The following TMIGD3 variants were observed in gnomAD, a reference collection of about 807,000 sequenced individuals.
TMIGD3 encodes transmembrane and immunoglobulin domain containing 3, also known as AD026 protein (AD026).
Under a neutral mutation model 28.1 loss-of-function variants are expected in TMIGD3, and 21 were observed. The observed-to-expected ratio is 0.75, with a 90% CI of 0.53 to 1.08. TMIGD3 has a LOEUF of 1.08. TMIGD3 is among the 50% of genes least tolerant of loss of function. TMIGD3 has a pLI of 0.00. For missense variants in TMIGD3, 416 were observed against 435.6 expected, an observed-to-expected ratio of 0.96 and a Z score of 0.40; for synonymous variants, 151 against 162.1, an observed-to-expected ratio of 0.93 and a Z score of 0.52.
At chr1:111,488,003 C>T (rs1299541535) in intron 3 of TMIGD3, among the ~76,000 whole-genome samples, 1 of 152,076 alleles carries the variant, frequency 6.6e-6, no homozygotes. Context: ...TGGGCTTTCT[C>T]CATGTTGCCC....
chr1:111,517,780 C>A (rs17602889), intron 1 of TMIGD3, among the ~76,000 whole-genome samples: 2,510 of 152,304 alleles, frequency 0.016, 29 homozygotes, highest in South Asian at 0.034. Context: ...TGGGTTGATG[C>A]ACTTTTCTAC....
At chr1:111,558,794 C>T (rs1657617671) in intron 1 of TMIGD3, among the ~76,000 whole-genome samples, 1 of 151,940 alleles carries the variant, frequency 6.6e-6, no homozygotes, top group African/African-American at 2.4e-5. Context: ...ACAAATACAC[C>T]ACCATTGTGA....
intron 3 of TMIGD3, among the ~76,000 whole-genome samples, chr1:111,487,240 G>A (rs893712709): frequency 2.6e-5 from 4 of 152,168 alleles, no homozygotes; most frequent in African/African-American, 9.7e-5. Flanking sequence ...TAAGATTCAG[G>A]TCAAGTTGCA....
At chr1:111,484,732 G>C (rs1654278516) in intron 5 of TMIGD3, among the ~76,000 whole-genome samples, 1 of 152,222 alleles carries the variant, frequency 6.6e-6, no homozygotes, top group Non-Finnish European at 1.5e-5. Context: ...GTTACTAGGA[G>C]TGTTTTTCTG....
chr1:111,509,115 G>A (rs1370269689), intron 1 of TMIGD3, among the ~76,000 whole-genome samples: 1 of 152,146 alleles, frequency 6.6e-6, no homozygotes, highest in East Asian at 1.9e-4. Flanking sequence ...ACAAACAAAA[G>A]CAGCACCAGG....
chr1:111,492,031 C>T (rs974449868), intron 1 of TMIGD3, among the ~76,000 whole-genome samples: 4 of 152,164 alleles, frequency 2.6e-5, no homozygotes, highest in Non-Finnish European at 5.9e-5. Context: ...TCATAAAAGG[C>T]GTGCAACTTC....
chr1:111,519,845 A>G (rs923210091), intron 1 of TMIGD3, among the ~76,000 whole-genome samples: 5 of 151,946 alleles, frequency 3.3e-5, no homozygotes, highest in African/African-American at 1.2e-4. Flanking sequence ...GGCACCTGCC[A>G]CCACACCCAG....
intron 1 of TMIGD3, among the ~76,000 whole-genome samples, chr1:111,526,910 T>C (rs1656283885): frequency 6.6e-6 from 1 of 152,166 alleles, no homozygotes; most frequent in South Asian, 2.1e-4. Context: ...TAGCTTTGCC[T>C]TTTTCAGAAT....
At chr1:111,506,839 G>A (rs1655506150), upstream of TMIGD3, among the ~76,000 whole-genome samples, 1 of 150,912 alleles carries the variant, frequency 6.6e-6, no homozygotes. Context: ...TGAGCTCTGG[G>A]CCAGAAAGGA....
rs773080987 is a variant in TMIGD3 at position 111,503,276 on chromosome 1, T to C, written c.79A>G (p.Ile27Val). ...TMEIFIGLCA[I>V]VGNVLVICVV... Reference sequence around the variant, plus strand: ...CAGATGACCAGCACGTTGCCCACTATGGCGCAGAGTCCAATGAAAATTTCC... The same window carrying C: ...CAGATGACCAGCACGTTGCCCACTACGGCGCAGAGTCCAATGAAAATTTCC... Residue 27 changes from isoleucine (I) to valine (V), a missense_variant, in exon 1 of 6, where the codon ATA becomes GTA. Transcript: ENST00000369716. The C allele has an allele frequency of 1.2e-6, 2 of 1,614,232 alleles. No individual in the cohort carries two copies. The highest frequency in any genetic ancestry group is 1.6e-4 in the Middle Eastern group (1 of 6,062).
chr1:111,527,984 T>G (rs1047371198), intron 1 of TMIGD3, among the ~76,000 whole-genome samples: 1 of 152,216 alleles, frequency 6.6e-6, no homozygotes, highest in Non-Finnish European at 1.5e-5. Flanking sequence ...ATTGTTTTTT[T>G]GAAAAGTAGT....
chr1:111,529,511 TGCGGCCTTCC>T (rs942654001), intron 1 of TMIGD3, among the ~76,000 whole-genome samples: 1 of 149,072 alleles, frequency 6.7e-6, no homozygotes, highest in Non-Finnish European at 1.5e-5. Flanking sequence ...CAGAGGACCC[TGCGGCCTTCC>T]GCAGTGTTTG....
intron 1 of TMIGD3, among the ~76,000 whole-genome samples, chr1:111,562,079 A>C (rs1025635594): frequency 6.6e-6 from 1 of 152,146 alleles, no homozygotes; most frequent in Non-Finnish European, 1.5e-5. Flanking sequence ...CTGTGATTCA[A>C]TAACATCATA....
intron 1 of TMIGD3, among the ~76,000 whole-genome samples, chr1:111,555,226 T>G (rs12029298): frequency 0.05 from 7,564 of 150,696 alleles, 394 homozygotes; most frequent in East Asian, 0.18. Flanking sequence ...ACTAGCTGAG[T>G]GTGGTGGTGC....
chr1:111,515,527 G>T (rs945569330), intron 1 of TMIGD3, among the ~76,000 whole-genome samples: 4 of 152,202 alleles, frequency 2.6e-5, no homozygotes, highest in East Asian at 3.9e-4. Flanking sequence ...AAGGAAGGAG[G>T]TCTCTGCAGC....
intron 1 of TMIGD3, among the ~76,000 whole-genome samples, chr1:111,501,634 A>G (rs576708078): frequency 2.2e-4 from 33 of 152,338 alleles, no homozygotes; most frequent in Admixed American, 5.9e-4. Flanking sequence ...CAAACAAGTA[A>G]CTTCTACAAG....
At chr1:111,516,298 T>C (rs1168635294) in intron 1 of TMIGD3, among the ~76,000 whole-genome samples, 1 of 152,100 alleles carries the variant, frequency 6.6e-6, no homozygotes, top group Non-Finnish European at 1.5e-5. Context: ...TCCAGGTCAG[T>C]CAGGAGGAGG....
chr1:111,526,060 A>G (rs188631165), intron 1 of TMIGD3, among the ~76,000 whole-genome samples: 14 of 150,278 alleles, frequency 9.3e-5, no homozygotes, highest in Non-Finnish European at 1.6e-4. Context: ...TCCTCTTTTT[A>G]TGCATTCTTT....
intron 1 of TMIGD3, among the ~76,000 whole-genome samples, chr1:111,519,291 A>G (rs886981379): frequency 4.6e-5 from 7 of 152,170 alleles, no homozygotes; most frequent in African/African-American, 7.2e-5. Flanking sequence ...TGAGTGTGCT[A>G]TGAGGCTTGG....
Sources: gnomAD v4.1 joint callset for allele counts (sites outside exome capture counted in the v4.1 genomes callset) on GRCh38, gnomAD v4.1.1 for gene constraint, MANE v1.5 for transcripts, NCBI Gene and HGNC (gene_info 2026-07-23, HGNC 2026-07-21) for gene names.